The following PDZD2 variants were observed in gnomAD, a reference collection of about 807,000 sequenced individuals.
The protein encoded by PDZD2 is PDZ domain-containing protein 2.
A neutral mutation model predicts 220.7 loss-of-function variants in PDZD2; 90 were observed. The ratio of observed to expected loss-of-function variants is 0.41; its 90% CI spans 0.34 to 0.49. The LOEUF (loss-of-function observed/expected upper bound fraction) is 0.49, where lower values mean the gene tolerates loss of function less well. PDZD2 is among the 20% of genes least tolerant of loss of function. PDZD2 has a pLI of 0.28. For missense variants in PDZD2, 3,174 were observed against 3,608.5 expected (o/e 0.88, Z 3.08); for synonymous variants, 1,375 against 1,450.5 (o/e 0.95, Z 1.18).
chr5:31,755,368 G>A (rs114267501), intron 1 of PDZD2, among the ~76,000 whole-genome samples: 2,845 of 152,282 alleles, frequency 0.019, 76 homozygotes, highest in African/African-American at 0.061. Flanking sequence ...CTTGGAAGTC[G>A]GCAATGGCCA....
chr5:32,079,052 G>A (rs1741643028), intron 19 of PDZD2, among the ~76,000 whole-genome samples: 1 of 151,700 alleles, frequency 6.6e-6, no homozygotes, highest in African/African-American at 2.4e-5. Flanking sequence ...TTGAGGTCAG[G>A]AGTTCAAGAC....
chr5:31,736,158 A>G (rs1393810276), intron 1 of PDZD2, among the ~76,000 whole-genome samples: 3 of 152,216 alleles, frequency 2.0e-5, no homozygotes, highest in African/African-American at 7.2e-5. Context: ...ATATTCTTCA[A>G]TAAAATATTT....
intron 2 of PDZD2, among the ~76,000 whole-genome samples, chr5:31,958,469 G>T (rs955920765): frequency 6.6e-5 from 10 of 152,182 alleles, no homozygotes; most frequent in Non-Finnish European, 1.2e-4. Context: ...GGCCAGGCTG[G>T]TGTCGAACTC....
rs1292769972 is a variant in PDZD2 at position 32,109,151 on chromosome 5, A to AATGT, written c.*1022_*1025dup. ...TCTAAGTGTCCTTGGATTTATAGAC[A>AATGT]ATGTATGTACAATCCAAATAGAGGA... On this transcript the variant is annotated 3_prime_UTR_variant, in exon 25 of 25. Transcript: ENST00000438447. 87 of 152,450 alleles carry AATGT rather than the reference A, an allele frequency of 5.7e-4. No individual in the cohort carries two copies. Among genetic ancestry groups the AATGT allele is most frequent in the Non-Finnish European group, 7.3e-5 (5 of 68,034 alleles). The allele number at this position is 152,450 out of a possible 1,614,324, so 9.4% of individuals were successfully genotyped here. A position where few individuals can be genotyped will look rare whatever the true frequency, so the allele number is the denominator to read the frequency against.
chr5:31,868,399 C>T (rs143214035), intron 2 of PDZD2, among the ~76,000 whole-genome samples: 257 of 152,204 alleles, frequency 1.7e-3, no homozygotes, highest in African/African-American at 5.7e-3. Flanking sequence ...AAGCCAAGAT[C>T]GCGCCACCTG....
rs1030161752 is a variant in PDZD2, at chr5:31,798,988, G to A, written c.-261G>A. 4.0e-6 allele frequency: 2 copies of A among 496,434 alleles called. No individual in the cohort carries two copies. Among genetic ancestry groups the A allele is most frequent in the Non-Finnish European group, 7.2e-6 (2 of 279,440 alleles). The allele number at this position is 496,434 out of a possible 1,614,324, so 30.8% of individuals were successfully genotyped here. On this transcript the variant is annotated 5_prime_UTR_variant, in exon 2 of 25. Transcript: ENST00000438447. ...CCTGCTGTGAAATGAACCTGGCAGG[G>A]ACTTGTTAGACACTTCCTTCCTTCC...
intron 2 of PDZD2, among the ~76,000 whole-genome samples, chr5:31,974,643 T>A (rs1749586608): frequency 6.6e-6 from 1 of 152,188 alleles, no homozygotes; most frequent in Non-Finnish European, 1.5e-5. Flanking sequence ...CTGACAGAAA[T>A]AGCAGTATCC....
At position 32,066,692 on chromosome 5, in the gene PDZD2, A is replaced by G. The variant is rs146885388; in HGVS notation, c.2452-2877A>G. Among the ~76,000 whole-genome samples, 108 of 152,364 alleles carry G rather than the reference A, an allele frequency of 7.1e-4. No individual in the cohort carries two copies. The East Asian group carries it at 0.013, about 19-fold the overall frequency. ...TCAGTGGTTTGCAGTCATTGGCTTC[A>G]AGGCATGTCTGACTTCAAAATAACA... On this transcript the variant is annotated intron_variant, in intron 14 of 24. Transcript: ENST00000438447.
In PDZD2 at chr5:31,883,023, C is replaced by CAAAAAAAAAAA. The variant is rs781370177; in HGVS notation, c.476+83314_476+83324dup. Among the ~76,000 whole-genome samples, 67 of 47,956 alleles carry CAAAAAAAAAAA rather than the reference C, an allele frequency of 1.4e-3. 2 individuals carry two copies. The highest frequency in any genetic ancestry group is 4.8e-3 in the African/African-American group (63 of 13,202). 31.5% of individuals were successfully genotyped at this position (47,956 alleles called of 152,430 possible). On this transcript the variant is annotated intron_variant, in intron 2 of 24. Transcript: ENST00000438447. ...CCATCCTGGGTGACAGACTCTGTCTCAAAAAAAAAAAAAAAAAAAAAAAAA... is the reference window on the plus strand; with the variant it reads ...CCATCCTGGGTGACAGACTCTGTCTCAAAAAAAAAAAAAAAAAAAAAAAAAAAAAAAAAAAA...
intron 2 of PDZD2, among the ~76,000 whole-genome samples, chr5:31,836,350 G>A (rs1756941242): frequency 6.7e-6 from 1 of 149,968 alleles, no homozygotes; most frequent in South Asian, 2.1e-4. Flanking sequence ...TCTTGCCTCA[G>A]CCTCCCAAGT....
rs769220625 is a variant in PDZD2, at chr5:32,088,979, G to C, written c.5531G>C (p.Gly1844Ala). ...IQMVSSSQKK[G>A]VTVPHSPPQP... ...ATGGTGAGTTCAAGCCAAAAAAAGG[G>C]CGTTACTGTGCCTCATAGCCCTCCT... The change falls in exon 20 of 25, where the codon GGC becomes GCC. Residue 1844 changes from glycine to alanine, a missense_variant. By Grantham distance (60) the Gly-to-Ala change is moderately conservative. Coordinates refer to ENST00000438447, the MANE Select transcript of PDZD2 (RefSeq NM_178140.4). The surrounding 1 kb of genome is among the most constrained non-coding windows in gnomAD (Gnocchi z 4.6). 11 of 1,613,850 alleles carry C rather than the reference G, an allele frequency of 6.8e-6. 1 individual carries two copies. In the South Asian group the frequency reaches 1.2e-4, roughly 18 times the overall value.
chr5:31,700,149 G>A (rs910841257), intron 1 of PDZD2, among the ~76,000 whole-genome samples: 4 of 152,146 alleles, frequency 2.6e-5, no homozygotes, highest in Admixed American at 2.0e-4. Flanking sequence ...TGGGGGACAC[G>A]AGATGTGAGA....
At chr5:31,735,479 A>G (rs565987997) in intron 1 of PDZD2, among the ~76,000 whole-genome samples, 3 of 152,292 alleles carry the variant, frequency 2.0e-5, no homozygotes, top group Non-Finnish European at 4.4e-5. Flanking sequence ...ATGACCTTCC[A>G]TGACCCATTT....
intron 14 of PDZD2, among the ~76,000 whole-genome samples, chr5:32,063,865 A>C (rs947586850): frequency 1.3e-5 from 2 of 152,226 alleles, no homozygotes; most frequent in African/African-American, 4.8e-5. Context: ...AATGTTAAGC[A>C]TTTTGTTAGA....
intron 1 of PDZD2, among the ~76,000 whole-genome samples, chr5:31,781,670 T>C (rs1241380494): frequency 6.6e-6 from 1 of 152,264 alleles, no homozygotes; most frequent in Non-Finnish European, 1.5e-5. Context: ...CCTAGGATCA[T>C]GATTTGAAAA....
intron 2 of PDZD2, among the ~76,000 whole-genome samples, chr5:31,911,158 G>T (rs1391160190): frequency 6.6e-6 from 1 of 152,182 alleles, no homozygotes; most frequent in Non-Finnish European, 1.5e-5. Flanking sequence ...TGTATGGTAT[G>T]TAAGCCAAAT....
At chr5:31,890,369 G>T (rs867030159) in intron 2 of PDZD2, among the ~76,000 whole-genome samples, 5 of 152,134 alleles carry the variant, frequency 3.3e-5, no homozygotes, top group Middle Eastern at 3.4e-3. Context: ...GCAGTTCTGT[G>T]GTGGCTTTTT....
At chr5:31,992,081 C>G (rs187805679) in intron 3 of PDZD2, among the ~76,000 whole-genome samples, 1 of 152,174 alleles carries the variant, frequency 6.6e-6, no homozygotes, top group East Asian at 1.9e-4. Flanking sequence ...ACATTTACTT[C>G]TTGTTGCTTG....
At chr5:31,800,752 G>A (rs1399910526) in intron 2 of PDZD2, among the ~76,000 whole-genome samples, 1 of 152,192 alleles carries the variant, frequency 6.6e-6, no homozygotes, top group African/African-American at 2.4e-5. Context: ...CTGGGAAAGA[G>A]AATTTGAGGA....
Sources: gnomAD v4.1 joint callset for allele counts (sites outside exome capture counted in the v4.1 genomes callset) on GRCh38, gnomAD v4.1.1 for gene constraint, Gnocchi (gnomAD v3.1) non-coding constraint, MANE v1.5 for transcripts, NCBI Gene and HGNC (gene_info 2026-07-23, HGNC 2026-07-21) for gene names.